SGCD: variants seen among roughly 807,000 people sequenced by gnomAD.
SGCD encodes the protein delta-sarcoglycan.
SGCD carries 18 observed loss-of-function variants against 36.6 expected under a neutral mutation model. The observed-to-expected ratio is 0.49, with a 90% CI of 0.34 to 0.73. SGCD has a LOEUF of 0.73. SGCD is among the 30% of genes least tolerant of loss of function. SGCD has a pLI of 0.01. For missense variants in SGCD, 387 were observed against 346.7 expected, an observed-to-expected ratio of 1.12 and a Z score of -0.92; for synonymous variants, 133 against 130.6, an observed-to-expected ratio of 1.02 and a Z score of -0.12.
chr5:155,894,973 C>T (rs1756215509), intron 1 of SGCD, among the ~76,000 whole-genome samples: 1 of 152,074 alleles, frequency 6.6e-6, no homozygotes, highest in Non-Finnish European at 1.5e-5. Flanking sequence ...TCCCTGATGC[C>T]AAAAAGGTTG....
Position 156,357,694 on chromosome 5 carries a change from ATAAAGT to A in SGCD, c.192+13023_192+13028del, listed in dbSNP as rs1300851113. On this transcript the variant is annotated intron_variant, in intron 3 of 8. Transcript: ENST00000337851. ...TGTAAACTGCTTGTTGCTTTGATAA[ATAAAGT>A]TAAAGAATAGGCAAACAGTTCTCAG... Among the ~76,000 whole-genome samples, 5 of 152,234 alleles carry A rather than the reference ATAAAGT, an allele frequency of 3.3e-5. No homozygotes were observed. In the East Asian group the frequency reaches 5.8e-4, roughly 18 times the overall value.
chr5:155,932,293 A>T (rs1757114245), intron 1 of SGCD, among the ~76,000 whole-genome samples: 1 of 152,110 alleles, frequency 6.6e-6, no homozygotes. Flanking sequence ...CCAACTGTAG[A>T]CTTTCTTCCT....
At chr5:156,366,787 G>T (rs920903096) in intron 3 of SGCD, among the ~76,000 whole-genome samples, 2 of 152,118 alleles carry the variant, frequency 1.3e-5, no homozygotes, top group Non-Finnish European at 2.9e-5. Flanking sequence ...TCCTGGCAAA[G>T]CATATGTTAC....
chr5:156,325,572 T>C (rs1389808053), upstream of SGCD, among the ~76,000 whole-genome samples: 2 of 152,176 alleles, frequency 1.3e-5, no homozygotes, highest in Non-Finnish European at 2.9e-5. Flanking sequence ...GGCTATCTGA[T>C]TAGAAGGCTA....
chr5:156,276,706 A>G (rs911519298), intron 3 of SGCD, among the ~76,000 whole-genome samples: 1 of 152,182 alleles, frequency 6.6e-6, no homozygotes, highest in Non-Finnish European at 1.5e-5. Flanking sequence ...CTCTGCATTC[A>G]TGGCACTTAC....
the SGCD span, among the ~76,000 whole-genome samples, chr5:155,762,810 A>G: frequency 6.6e-6 from 1 of 152,190 alleles, no homozygotes; most frequent in Non-Finnish European, 1.5e-5. Context: ...TAGTATGGCA[A>G]TTCCTCTAAT....
chr5:156,149,581 A>G (rs1340296336), intron 3 of SGCD, among the ~76,000 whole-genome samples: 4 of 151,788 alleles, frequency 2.6e-5, no homozygotes, highest in Non-Finnish European at 5.9e-5. Flanking sequence ...TGAAGAACAG[A>G]CTCTTTTACA....
intron 1 of SGCD, among the ~76,000 whole-genome samples, chr5:155,892,482 A>G (rs1426718160): frequency 8.5e-6 from 1 of 118,146 alleles, no homozygotes; most frequent in East Asian, 2.5e-4. Flanking sequence ...AAAAAAAAAA[A>G]AAGGACCAAT....
At chr5:156,330,247 C>CA (rs1374611115) in intron 2 of SGCD, among the ~76,000 whole-genome samples, 1 of 151,852 alleles carries the variant, frequency 6.6e-6, no homozygotes, top group Admixed American at 6.6e-5. Flanking sequence ...TCCAAAAATC[C>CA]AAAAAAATCT....
rs532047622 is a variant in SGCD, at chr5:156,099,710, C to T, written c.-281-18168C>T. 7.9e-5 allele frequency among the ~76,000 whole-genome samples: 12 copies of T among 152,192 alleles called. No individual in the cohort carries two copies. In the East Asian group the frequency reaches 9.6e-4, roughly 12 times the overall value. ...GATTACAGGCATGAGCCACTGTGCTCGGCCTATTTAATCCTTTACTAGCAC... is the reference window on the plus strand; with the variant it reads ...GATTACAGGCATGAGCCACTGTGCTTGGCCTATTTAATCCTTTACTAGCAC... On this transcript the variant is annotated intron_variant, in intron 1 of 9. Coordinates refer to the SGCD transcript ENST00000517913.
intron 3 of SGCD, among the ~76,000 whole-genome samples, chr5:156,266,407 A>G (rs1268289987): frequency 1.3e-5 from 2 of 152,232 alleles, no homozygotes; most frequent in African/African-American, 4.8e-5. Flanking sequence ...TCTAATATCA[A>G]TATAAGGTTC....
intron 1 of SGCD, among the ~76,000 whole-genome samples, chr5:156,082,178 G>C (rs559921188): frequency 6.6e-6 from 1 of 151,606 alleles, no homozygotes; most frequent in Non-Finnish European, 1.5e-5. Context: ...CCAGATCTTA[G>C]GCAGATAAGA....
the SGCD span, among the ~76,000 whole-genome samples, chr5:155,788,544 G>A: frequency 0.26 from 40,016 of 152,010 alleles, 5,908 homozygotes; most frequent in Admixed American, 0.46. Context: ...TTTATTCTAT[G>A]TGTATGCTAG....
chr5:156,459,248 A>G (rs1206018615), intron 3 of SGCD, among the ~76,000 whole-genome samples: 1 of 152,180 alleles, frequency 6.6e-6, no homozygotes, highest in African/African-American at 2.4e-5. Context: ...AGACAGATGG[A>G]CATTAGATAA....
At chr5:155,798,173 C>A in the SGCD span, among the ~76,000 whole-genome samples, 1 of 152,170 alleles carries the variant, frequency 6.6e-6, no homozygotes, top group African/African-American at 2.4e-5. Context: ...TTACTTCTTG[C>A]CATAAGAATG....
intron 4 of SGCD, among the ~76,000 whole-genome samples, chr5:156,519,203 A>G (rs940955330): frequency 1.3e-5 from 2 of 152,114 alleles, no homozygotes; most frequent in Non-Finnish European, 2.9e-5. Flanking sequence ...TACTATAAAC[A>G]CCTCTATGCA....
intron 4 of SGCD, among the ~76,000 whole-genome samples, chr5:156,529,094 A>G (rs1202852903): frequency 6.6e-6 from 1 of 152,070 alleles, no homozygotes; most frequent in Non-Finnish European, 1.5e-5. Context: ...GTAACTGCTG[A>G]GTACATTTGA....
intron 7 of SGCD, among the ~76,000 whole-genome samples, chr5:156,742,879 C>T (rs895407809): frequency 2.0e-5 from 3 of 152,138 alleles, no homozygotes; most frequent in Non-Finnish European, 2.9e-5. Flanking sequence ...GAAACTCACT[C>T]GCATTAAGGA....
chr5:156,320,582 A>T (rs1234402753), intron 3 of SGCD, among the ~76,000 whole-genome samples: 3 of 152,220 alleles, frequency 2.0e-5, no homozygotes, highest in Non-Finnish European at 4.4e-5. Context: ...AATTTCTTTT[A>T]AAAAGGTATG....
Sources: allele counts gnomAD v4.1 joint callset (sites outside exome capture counted in the v4.1 genomes callset), GRCh38; gene constraint gnomAD v4.1.1; transcripts MANE v1.5; gene names NCBI Gene and HGNC (gene_info 2026-07-23, HGNC 2026-07-21).